The following LAIR2 variants were observed in gnomAD, a reference collection of about 807,000 sequenced individuals.
LAIR2 encodes leukocyte associated immunoglobulin like receptor 2.
Under a neutral mutation model 14.8 loss-of-function variants are expected in LAIR2, and 14 were observed. The ratio of observed to expected loss-of-function variants is 0.95; its 90% confidence interval spans 0.62 to 1.48. LAIR2 has a LOEUF of 1.48. Ranked by LOEUF, LAIR2 falls within the 40% of genes most tolerant of loss-of-function variation. The pLI is 0.00. For missense variants in LAIR2, 172 were observed against 180.9 expected, an observed-to-expected ratio of 0.95 and a Z score of 0.28; for synonymous variants, 75 against 74.5, an observed-to-expected ratio of 1.01 and a Z score of -0.03.
chr19:54,506,603 A>T (rs1382276625), intron 2 of LAIR2, among the ~76,000 whole-genome samples: 3 of 152,214 alleles, frequency 2.0e-5, no homozygotes, highest in Admixed American at 6.5e-5. Flanking sequence ...TGCAGTTCGC[A>T]GCTGCAGATT....
chr19:54,510,492 C>T (rs1286348279), intron 4 of LAIR2, 34 bp from the exon 5 acceptor site: 2 of 1,577,384 alleles, frequency 1.3e-6, no homozygotes, highest in Non-Finnish European at 1.7e-6. Context: ...AGGGATGCTC[C>T]TATTAATACT....
chr19:54,507,832 T>C lies in LAIR2; in HGVS notation c.71-59T>C, dbSNP rs2085390928. The C allele has an allele frequency of 1.1e-5, 16 of 1,480,838 alleles. No individual in the cohort carries two copies. In the South Asian group the frequency reaches 1.8e-4, roughly 17 times the overall value. The allele number at this position is 1,480,838 out of a possible 1,614,324, so 91.7% of individuals were successfully genotyped here. ...CCTGAATTGTGATCCTAAAATGACG[T>C]GTGTGGCATGGTGACTTCCTACAGT... On this transcript the variant is annotated intron_variant, in intron 2 of 4. Coordinates refer to ENST00000301202, the MANE Select transcript of LAIR2 (RefSeq NM_002288.6).
At position 54,508,097 on chromosome 19, in the gene LAIR2, G is replaced by A; in HGVS notation, c.277G>A (p.Glu93Lys). ...EARFHIDSVSEGNAGLYRCLY... is the reference protein window; with the variant it reads ...EARFHIDSVSKGNAGLYRCLY... ...CAGATTCCACATTGACTCAGTAAGT[G>A]AAGGAAATGCCGGGCTTTATCGCTG... Residue 93 changes from glutamate to lysine, a missense_variant, in exon 3 of 5, where the codon GAA (glutamate) becomes AAA (lysine). Around this residue, in one of 2 missense-constraint regions of LAIR2, gnomAD observed 161 missense variants for 149.0 expected, o/e 1.08. Transcript: ENST00000301202. The A allele has an allele frequency of 1.2e-6, 2 of 1,614,192 alleles. No homozygotes were observed. The highest frequency in any genetic ancestry group is 1.7e-6 in the Non-Finnish European group (2 of 1,180,024).
intron 2 of LAIR2, among the ~76,000 whole-genome samples, chr19:54,507,541 G>A (rs62131568): frequency 7.5e-6 from 1 of 132,928 alleles, no homozygotes; most frequent in African/African-American, 2.7e-5. Context: ...CATCCCCATC[G>A]TGTGCCTCCC....
chr19:54,506,324 T>C (rs2085363447), intron 2 of LAIR2, among the ~76,000 whole-genome samples: 1 of 152,200 alleles, frequency 6.6e-6, no homozygotes, highest in African/African-American at 2.4e-5. Context: ...CAATGTCCAA[T>C]AATGTAATAC....
At position 54,505,013 on chromosome 19, in the gene LAIR2, C is replaced by T. The variant is rs532418826; in HGVS notation, c.70+1278C>T. Among the ~76,000 whole-genome samples the T allele has an allele frequency of 5.3e-5, 8 of 152,284 alleles. No homozygotes were observed. The South Asian group carries it at 6.2e-4, about 12-fold the overall frequency. ...GGTTCATCCATGCTGTTGTGAATGACAGAATGTCCTTCCTTTTTTAGGGCT... is the reference window on the plus strand; with the variant it reads ...GGTTCATCCATGCTGTTGTGAATGATAGAATGTCCTTCCTTTTTTAGGGCT... On this transcript the variant is annotated intron_variant, in intron 2 of 4. Transcript: ENST00000301202.
intron 4 of LAIR2, among the ~76,000 whole-genome samples, chr19:54,509,655 G>A (rs2085434279): frequency 6.8e-6 from 1 of 147,480 alleles, no homozygotes; most frequent in Non-Finnish European, 1.5e-5. Flanking sequence ...TCCCTTAAGA[G>A]GAGGAGGGCT....
Position 54,510,564 on chromosome 19 carries a change from C to T in LAIR2, c.454C>T (p.Pro152Ser), listed in dbSNP as rs1264247935. ...PGTEASGFDA[P>S] The stretch of plus-strand genomic sequence containing the variant: ...CACTGAAGCCTCCGGATTTGATGCA[C>T]CATGAATGAGGAGAAATGGCCTCCC... The change falls in exon 5 of 5, where the codon CCA becomes TCA. Residue 152 changes from proline to serine, a missense_variant. By Grantham distance (74) the Pro-to-Ser change is moderately conservative. Coordinates refer to ENST00000301202, the MANE Select transcript of LAIR2 (RefSeq NM_002288.6). The T allele has an allele frequency of 1.9e-6, 3 of 1,613,596 alleles. No individual in the cohort carries two copies. In the African/African-American group the frequency reaches 4.0e-5, roughly 22 times the overall value.
rs61737751 is a variant in LAIR2 at position 54,508,046 on chromosome 19, C to T, written c.226C>T (p.Arg76Ter). The stretch of plus-strand genomic sequence containing the variant: ...GTACAAAGATAGTTATAATGTGTTT[C>T]GACTTGGTCCATCTGAGTCAGAGGC... Reference protein sequence around the residue: ...AKYKDSYNVFRLGPSESEARF... With the variant: ...AKYKDSYNVF Residue 76 changes from arginine (R) to a stop codon, truncating the protein, a stop_gained, in exon 3 of 5, where the codon CGA becomes TGA. Transcript: ENST00000301202. LOFTEE classifies it high-confidence loss of function. 65,346 of 1,614,028 alleles carry T rather than the reference C, an allele frequency of 0.04. 1,571 individuals are homozygous for T. The highest frequency in any genetic ancestry group is 0.051 in the Middle Eastern group (312 of 6,062).
chr19:54,508,817 G>T (rs1283472474), intron 3 of LAIR2, among the ~76,000 whole-genome samples: 2 of 152,292 alleles, frequency 1.3e-5, no homozygotes, highest in Non-Finnish European at 2.9e-5. Flanking sequence ...AGAAGAGCTT[G>T]TGGTGGGAGG....
rs1360811003 is a variant in LAIR2 at position 54,508,030 on chromosome 19, T to C, written c.210T>C (p.Asp70=). The change falls in exon 3 of 5, where the codon GAT becomes GAC. Residue 70 remains aspartate (D), a synonymous_variant. Coordinates refer to ENST00000301202, the MANE Select transcript of LAIR2 (RefSeq NM_002288.6). ...GGGAGGATAGAGCCAAGTACAAAGATAGTTATAATGTGTTTCGACTTGGTC... is the reference window on the plus strand; with the variant it reads ...GGGAGGATAGAGCCAAGTACAAAGACAGTTATAATGTGTTTCGACTTGGTC... ...LEREDRAKYK[D]SYNVFRLGPS... The C allele has an allele frequency of 3.1e-6, 5 of 1,614,016 alleles. No homozygotes were observed. The African/African-American group carries it at 6.7e-5, about 22-fold the overall frequency.
At position 54,510,664 on chromosome 19, in the gene LAIR2, C is replaced by G. The variant is rs184361852; in HGVS notation, c.*95C>G. 5.5e-5 allele frequency: 78 copies of G among 1,419,860 alleles called. No homozygotes were observed. Among genetic ancestry groups the G allele is most frequent in the Middle Eastern group, 5.3e-4 (3 of 5,658 alleles). The allele number at this position is 1,419,860 out of a possible 1,614,324, so 88.0% of individuals were successfully genotyped here. A position where few individuals can be genotyped will look rare whatever the true frequency, so the allele number is the denominator to read the frequency against. On this transcript the variant is annotated 3_prime_UTR_variant, in exon 5 of 5. Coordinates refer to ENST00000301202, the MANE Select transcript of LAIR2 (RefSeq NM_002288.6). The stretch of plus-strand genomic sequence containing the variant: ...GCACAGATGCCTATACATACATATA[C>G]AAATAAAAAGATACGATTCGCAATG...
chr19:54,506,238 G>C (rs1033857828), intron 2 of LAIR2, among the ~76,000 whole-genome samples: 3 of 152,084 alleles, frequency 2.0e-5, no homozygotes, highest in African/African-American at 7.2e-5. Context: ...TGGCTACATC[G>C]AGCTAGGCAA....
intron 2 of LAIR2, among the ~76,000 whole-genome samples, chr19:54,506,825 C>T (rs539125705): frequency 1.3e-5 from 2 of 152,260 alleles, no homozygotes; most frequent in South Asian, 4.2e-4. Context: ...TAGAAAATTT[C>T]GTCTAGACAG....
chr19:54,505,176 C>T (rs989917966), intron 2 of LAIR2, among the ~76,000 whole-genome samples: 21 of 152,156 alleles, frequency 1.4e-4, no homozygotes, highest in Admixed American at 2.6e-4. Flanking sequence ...GGCATCACCT[C>T]CACACACCGA....
rs115552874 is a variant in LAIR2, at chr19:54,505,056, A to G, written c.70+1321A>G. Among the ~76,000 whole-genome samples, 562 of 151,416 alleles carry G rather than the reference A, an allele frequency of 3.7e-3. 5 individuals are homozygous for G. Among genetic ancestry groups the G allele is most frequent in the African/African-American group, 0.012 (506 of 40,770 alleles). On this transcript the variant is annotated intron_variant, in intron 2 of 4. Transcript: ENST00000301202. ...TTAGGGCTGAATAATATTCCATTGC[A>G]TATATACACCACATTCTCCTCATCC...
At chr19:54,503,505 A>G (rs769467682) in intron 1 of LAIR2, among the ~76,000 whole-genome samples, 195 bp from the exon 2 acceptor site, 10 of 152,160 alleles carry the variant, frequency 6.6e-5, no homozygotes, top group East Asian at 1.9e-4. Context: ...CCTTTTTGGA[A>G]GAGGAGACTT....
In LAIR2 at chr19:54,508,015, A is replaced by G; in HGVS notation, c.195A>G (p.Arg65=). 6.2e-7 allele frequency: 1 copy of G among 1,614,166 alleles called. No individual in the cohort carries two copies. The highest frequency in any genetic ancestry group is 8.5e-7 in the Non-Finnish European group (1 of 1,180,026). Reference sequence around the variant, plus strand: ...CATTCCGCCTGGAGAGGGAGGATAGAGCCAAGTACAAAGATAGTTATAATG... The same window carrying G: ...CATTCCGCCTGGAGAGGGAGGATAGGGCCAAGTACAAAGATAGTTATAATG... ...VQTFRLERED[R]AKYKDSYNVF... Residue 65 remains arginine (R), a synonymous_variant, in exon 3 of 5, where the codon AGA becomes AGG. Transcript: ENST00000301202.
At chr19:54,503,206 A>T (rs1021562805) in intron 1 of LAIR2, among the ~76,000 whole-genome samples, 3 of 152,016 alleles carry the variant, frequency 2.0e-5, no homozygotes, top group Admixed American at 1.3e-4. Flanking sequence ...CACACCTGTA[A>T]TCCTAGCACT....
Sources: gnomAD v4.1 joint callset for allele counts (sites outside exome capture counted in the v4.1 genomes callset) on GRCh38, gnomAD v4.1.1 for gene constraint, gnomAD v4.1.1 regional missense constraint, MANE v1.5 for transcripts, NCBI Gene and HGNC (gene_info 2026-07-23, HGNC 2026-07-21) for gene names.